Variants in RORA observed in about 807,000 individuals in gnomAD.
RORA encodes RAR related orphan receptor A, also known as nuclear receptor ROR-alpha.
In RORA, 7 loss-of-function variants were observed where a neutral mutation model predicts 69.5. The ratio of observed to expected loss-of-function variants is 0.10; its 90% CI spans 0.06 to 0.19. RORA has a LOEUF of 0.19. RORA is among the 10% of genes least tolerant of loss of function. The pLI, the probability that RORA is intolerant of heterozygous loss-of-function variation, is 1.00. For synonymous variants in RORA, 261 were observed against 240.8 expected (o/e 1.08, Z -0.78); for missense variants, 457 against 663.0 (o/e 0.69, Z 3.41).
intron 1 of RORA, among the ~76,000 whole-genome samples, chr15:60,915,545 G>A (rs76077312): frequency 0.013 from 1,990 of 152,338 alleles, 42 homozygotes; most frequent in African/African-American, 0.045. Flanking sequence ...CTCTATTTCT[G>A]CACAGTACAG....
At chr15:61,224,189 C>A (rs2140950957) in intron 1 of RORA, among the ~76,000 whole-genome samples, 1 of 152,306 alleles carries the variant, frequency 6.6e-6, no homozygotes, top group Non-Finnish European at 1.5e-5. Context: ...CACACTTTAT[C>A]ACTAATCTGG....
chr15:61,092,687 G>A (rs781209213), intron 1 of RORA, among the ~76,000 whole-genome samples: 7 of 152,140 alleles, frequency 4.6e-5, no homozygotes, highest in Non-Finnish European at 7.3e-5. Context: ...AATCTGATGG[G>A]CTTACATATT....
intron 2 of RORA, among the ~76,000 whole-genome samples, chr15:60,577,947 T>C (rs554612632): frequency 2.8e-4 from 42 of 152,208 alleles, no homozygotes; most frequent in Non-Finnish European, 5.7e-4. Context: ...GTTATGCTCT[T>C]ATGGTTGATG....
intron 1 of RORA, among the ~76,000 whole-genome samples, chr15:61,144,955 T>A (rs575963996): frequency 2.0e-5 from 3 of 152,330 alleles, no homozygotes; most frequent in South Asian, 2.1e-4. Flanking sequence ...GTGTTATTTT[T>A]AAAAATATTA....
intron 1 of RORA, among the ~76,000 whole-genome samples, chr15:60,845,613 C>A (rs1315033964): frequency 6.6e-6 from 1 of 152,184 alleles, no homozygotes; most frequent in African/African-American, 2.4e-5. Context: ...GTCACACAAC[C>A]TAAATCTCAG....
intron 1 of RORA, among the ~76,000 whole-genome samples, chr15:61,197,896 CA>C (rs11298218): frequency 0.55 from 83,061 of 151,798 alleles, 23,232 homozygotes; most frequent in Non-Finnish European, 0.62. Context: ...AGATCCCTCC[CA>C]GGGGGTTCAA....
intron 1 of RORA, among the ~76,000 whole-genome samples, chr15:60,981,667 C>A (rs999256219): frequency 2.0e-5 from 3 of 152,036 alleles, no homozygotes; most frequent in Non-Finnish European, 4.4e-5. Flanking sequence ...TAATTTATAT[C>A]TCTTTATTGG....
intron 1 of RORA, among the ~76,000 whole-genome samples, chr15:61,089,673 C>T (rs1311024058): frequency 6.6e-6 from 1 of 152,178 alleles, no homozygotes; most frequent in African/African-American, 2.4e-5. Context: ...AAGAAATTCT[C>T]CTTTAAAGGT....
Position 60,873,275 on chromosome 15 carries a change from GT to G in RORA, c.167-194590del, listed in dbSNP as rs1445359290. Reference sequence around the variant, plus strand: ...TGTGTGTGTGTGTCTGTGTGTGTGTGTCTGTGTGTGTGTGTCTGTGTGTATG... The same window carrying G: ...TGTGTGTGTGTGTCTGTGTGTGTGTGCTGTGTGTGTGTGTCTGTGTGTATG... On this transcript the variant is annotated intron_variant, in intron 1 of 10. Coordinates refer to ENST00000335670, the MANE Select transcript of RORA (RefSeq NM_134261.3). Among the ~76,000 whole-genome samples, 6 of 150,738 alleles carry G rather than the reference GT, an allele frequency of 4.0e-5. No homozygotes were observed. In the East Asian group the frequency reaches 9.7e-4, roughly 24 times the overall value.
intron 1 of RORA, among the ~76,000 whole-genome samples, chr15:60,830,391 T>G (rs532818204): frequency 5.9e-5 from 9 of 152,230 alleles, no homozygotes; most frequent in African/African-American, 2.2e-4. Flanking sequence ...AGATGCAGTT[T>G]TAGATATTGA....
intron 1 of RORA, among the ~76,000 whole-genome samples, chr15:60,792,402 C>A (rs928731209): frequency 6.6e-6 from 1 of 152,120 alleles, no homozygotes; most frequent in Non-Finnish European, 1.5e-5. Flanking sequence ...TTTGAAGGAA[C>A]GGCTGAAAAT....
intron 1 of RORA, among the ~76,000 whole-genome samples, chr15:60,909,264 G>A (rs1022222874): frequency 5.3e-5 from 8 of 152,108 alleles, no homozygotes; most frequent in Non-Finnish European, 8.8e-5. Context: ...CTGATGTCTC[G>A]GCCAGCCTCA....
intron 1 of RORA, among the ~76,000 whole-genome samples, chr15:60,819,173 T>A: frequency 6.6e-6 from 1 of 152,260 alleles, no homozygotes; most frequent in Non-Finnish European, 1.5e-5. Context: ...ATGCTATTAC[T>A]GGAACTGTAG....
chr15:61,190,398 G>C (rs568108115), intron 1 of RORA, among the ~76,000 whole-genome samples: 8 of 152,206 alleles, frequency 5.3e-5, no homozygotes, highest in Non-Finnish European at 8.8e-5. Context: ...CATAAAGTGA[G>C]GCCTACCTTT....
At chr15:60,698,635 T>G (rs533806905) in intron 1 of RORA, among the ~76,000 whole-genome samples, 4 of 151,146 alleles carry the variant, frequency 2.6e-5, no homozygotes, top group African/African-American at 9.7e-5. Context: ...TTTGTGTTTT[T>G]TTTTTTTTTT....
At chr15:60,591,648 G>T (rs1414631732) in intron 2 of RORA, among the ~76,000 whole-genome samples, 1 of 152,144 alleles carries the variant, frequency 6.6e-6, no homozygotes, top group African/African-American at 2.4e-5. Flanking sequence ...CGCGGATCCC[G>T]TGGGCTGCCG....
At chr15:60,609,032 T>C (rs1434960646) in intron 2 of RORA, among the ~76,000 whole-genome samples, 1 of 152,208 alleles carries the variant, frequency 6.6e-6, no homozygotes, top group Non-Finnish European at 1.5e-5. Flanking sequence ...CTCTTCATTT[T>C]TATGGCCCTG....
At chr15:60,669,675 T>G (rs1023717881) in intron 2 of RORA, among the ~76,000 whole-genome samples, 1 of 152,198 alleles carries the variant, frequency 6.6e-6, no homozygotes, top group African/African-American at 2.4e-5. Context: ...TGATCACACC[T>G]AATTCTTGCT....
chr15:60,632,125 T>C (rs963893397), intron 2 of RORA, among the ~76,000 whole-genome samples: 2 of 139,848 alleles, frequency 1.4e-5, no homozygotes, highest in African/African-American at 5.5e-5. Flanking sequence ...TTTTTTTTTT[T>C]AGACGGAGTC....
Sources: gnomAD v4.1 joint callset for allele counts (sites outside exome capture counted in the v4.1 genomes callset) on GRCh38, gnomAD v4.1.1 for gene constraint, MANE v1.5 for transcripts, NCBI Gene and HGNC (gene_info 2026-07-23, HGNC 2026-07-21) for gene names.